The following ATP9B variants were observed in gnomAD, a reference collection of about 807,000 sequenced individuals.
ATP9B encodes the protein ATPase phospholipid transporting 9B.
ATP9B carries 110 observed loss-of-function variants against 146.1 expected under a neutral mutation model. The observed-to-expected ratio is 0.75, with a 90% CI of 0.65 to 0.88. The LOEUF (loss-of-function observed/expected upper bound fraction) is 0.88, where lower values mean the gene tolerates loss of function less well. Ranked by LOEUF, ATP9B falls within the 40% of genes least tolerant of loss-of-function variation. The pLI is 0.00. For missense variants in ATP9B, 1,499 were observed against 1,496.4 expected (o/e 1.00, Z -0.03); for synonymous variants, 604 against 569.7 (o/e 1.06, Z -0.86).
chr18:79,072,514 A>T (rs1421692209), intron 1 of ATP9B, among the ~76,000 whole-genome samples: 2 of 152,264 alleles, frequency 1.3e-5, no homozygotes, highest in East Asian at 3.8e-4. Flanking sequence ...AATTTTTCTT[A>T]GTACAGAACA....
chr18:79,176,844 T>C lies in ATP9B; in HGVS notation c.810T>C (p.Asp270=). The C allele has an allele frequency of 6.2e-7, 1 of 1,614,176 alleles. No individual in the cohort carries two copies. The change falls in exon 8 of 30, where the codon GAT becomes GAC. Residue 270 remains aspartate (D), a synonymous_variant. Transcript: ENST00000426216. ...GTTTTATTCGAACTGATCAACTAGA[T>C]GGTGAAACTGACTGGAAGCTGAAGG... The part of the protein sequence containing the change: ...GSCFIRTDQL[D]GETDWKLKVA...
In ATP9B at chr18:79,113,241, G is replaced by A. The variant is rs1484178345; in HGVS notation, c.445G>A (p.Val149Ile). 1 of 1,531,928 alleles carries A rather than the reference G, an allele frequency of 6.5e-7. No individual in the cohort carries two copies. The highest frequency in any genetic ancestry group is 8.9e-7 in the Non-Finnish European group (1 of 1,121,542). 94.9% of individuals were successfully genotyped at this position (1,531,928 alleles called of 1,614,324 possible). A position where few individuals can be genotyped will look rare whatever the true frequency, so the allele number is the denominator to read the frequency against. The change falls in exon 4 of 30, where the codon GTT (valine) becomes ATT (isoleucine). Residue 149 changes from valine to isoleucine, a missense_variant and splice_region_variant. Transcript: ENST00000426216. ...GTTAATTTTCTCTTTTCCTTTTTAG[G>A]TTTTGTATGAACAATTCAAGTTTTT... ...KYNVFTFIPG[V>I]LYEQFKFFLN...
Position 79,298,154 on chromosome 18 carries a change from C to A in ATP9B, c.1412-5450C>A, listed in dbSNP as rs545984600. Among the ~76,000 whole-genome samples, 13 of 146,334 alleles carry A rather than the reference C, an allele frequency of 8.9e-5. 1 individual carries two copies. In the South Asian group the frequency reaches 2.8e-3, roughly 32 times the overall value. On this transcript the variant is annotated intron_variant, in intron 13 of 29. Coordinates refer to ENST00000426216, the MANE Select transcript of ATP9B (RefSeq NM_198531.5). The stretch of plus-strand genomic sequence containing the variant: ...GTATGGATATCAGAAAGGAAGAAAT[C>A]GAGTTAAAATTAAAGAAAGAAAATT...
At chr18:79,130,156 G>A (rs1415102929) in intron 5 of ATP9B, among the ~76,000 whole-genome samples, 1 of 152,190 alleles carries the variant, frequency 6.6e-6, no homozygotes, top group African/African-American at 2.4e-5. Context: ...ATCAGACTTA[G>A]GAGACAAAAA....
At chr18:79,077,460 C>T (rs1003741785) in intron 1 of ATP9B, among the ~76,000 whole-genome samples, 1 of 152,190 alleles carries the variant, frequency 6.6e-6, no homozygotes, top group African/African-American at 2.4e-5. Context: ...ACTGACATTG[C>T]ATGGGTGGTG....
intron 13 of ATP9B, among the ~76,000 whole-genome samples, chr18:79,300,621 C>T (rs1184805204): frequency 1.3e-5 from 2 of 152,192 alleles, no homozygotes; most frequent in African/African-American, 4.8e-5. Context: ...AACAGCACCT[C>T]ACATCCCAGA....
chr18:79,285,764 G>A (rs1293762729), intron 13 of ATP9B, among the ~76,000 whole-genome samples: 2 of 152,322 alleles, frequency 1.3e-5, no homozygotes, highest in South Asian at 2.1e-4. Flanking sequence ...TAACGTTTAA[G>A]TCTTTAATCC....
At chr18:79,180,816 A>G (rs2095242667) in intron 8 of ATP9B, among the ~76,000 whole-genome samples, 1 of 151,282 alleles carries the variant, frequency 6.6e-6, no homozygotes. Context: ...TTTTTGAGAC[A>G]GAGTCTCGCT....
chr18:79,348,103 T>G (rs746689396), intron 24 of ATP9B, 29 bp from the exon 25 acceptor site: 1 of 1,613,302 alleles, frequency 6.2e-7, no homozygotes, highest in Non-Finnish European at 8.5e-7. Flanking sequence ...GAACTGACAG[T>G]TGTCTTCGTC....
At chr18:79,366,178 G>A (rs1004992930) in intron 26 of ATP9B, among the ~76,000 whole-genome samples, 4 of 152,244 alleles carry the variant, frequency 2.6e-5, no homozygotes, top group African/African-American at 9.6e-5. Flanking sequence ...AAAGGTTTGA[G>A]TGTAGAGGGT....
chr18:79,154,677 AT>A, intron 7 of ATP9B, 122 bp downstream of exon 7: 1 of 562,676 alleles, frequency 1.8e-6, no homozygotes, highest in African/African-American at 1.9e-5. Flanking sequence ...AATGAGGAAT[AT>A]TCTGTAGAAA....
intron 29 of ATP9B, chr18:79,375,878 C>G (rs2097099184): frequency 4.1e-6 from 4 of 985,278 alleles, no homozygotes; most frequent in African/African-American, 1.7e-5. Flanking sequence ...CATCCGGCAA[C>G]AGTCTAAAGG....
At chr18:79,286,502 T>C (rs1204609429) in intron 13 of ATP9B, among the ~76,000 whole-genome samples, 4 of 143,818 alleles carry the variant, frequency 2.8e-5, no homozygotes, top group African/African-American at 5.1e-5. Context: ...TGCTTATCAG[T>C]TTAAGGAGAT....
At chr18:79,089,169 C>G (rs978567283) in intron 1 of ATP9B, among the ~76,000 whole-genome samples, 4 of 151,918 alleles carry the variant, frequency 2.6e-5, no homozygotes, top group African/African-American at 9.7e-5. Flanking sequence ...GTATACTGCT[C>G]GGGAGATGGG....
chr18:79,288,414 T>C (rs1241986141), intron 13 of ATP9B, among the ~76,000 whole-genome samples: 1 of 152,212 alleles, frequency 6.6e-6, no homozygotes, highest in Non-Finnish European at 1.5e-5. Flanking sequence ...AAGTCTGTTT[T>C]ATCAGAGACT....
At chr18:79,190,523 CACACACACACACACACACACACAT>C (rs1217114558) in intron 8 of ATP9B, among the ~76,000 whole-genome samples, 1 of 136,006 alleles carries the variant, frequency 7.4e-6, no homozygotes, top group Non-Finnish European at 1.6e-5. Context: ...CACACACACA[CACACACACACACACACACACACAT>C]ATACATATAT....
At chr18:79,246,970 C>T (rs546128566) in intron 11 of ATP9B, among the ~76,000 whole-genome samples, 1 of 152,252 alleles carries the variant, frequency 6.6e-6, no homozygotes, top group African/African-American at 2.4e-5. Flanking sequence ...GGATTTTTAA[C>T]GTAATTTCTA....
intron 8 of ATP9B, among the ~76,000 whole-genome samples, chr18:79,189,534 G>A (rs957320139): frequency 6.6e-6 from 1 of 152,108 alleles, no homozygotes; most frequent in Non-Finnish European, 1.5e-5. Context: ...AAACCTTGCC[G>A]ATAACCTAAA....
In ATP9B at chr18:79,190,815, G is replaced by A. The variant is rs998916010; in HGVS notation, c.874-2368G>A. 6.6e-5 allele frequency among the ~76,000 whole-genome samples: 10 copies of A among 152,012 alleles called. No homozygotes were observed. The East Asian group carries it at 9.7e-4, about 15-fold the overall frequency. On this transcript the variant is annotated intron_variant, in intron 8 of 29. Transcript: ENST00000426216. The stretch of plus-strand genomic sequence containing the variant: ...CCTGCCACGGCCTCCCAAAGTGCTG[G>A]GATTACAGGCATGAGCCACCGTGCC...
Sources: allele counts gnomAD v4.1 joint callset (sites outside exome capture counted in the v4.1 genomes callset), GRCh38; gene constraint gnomAD v4.1.1; transcripts MANE v1.5; gene names NCBI Gene and HGNC (gene_info 2026-07-23, HGNC 2026-07-21).